KLHL18: variants seen among roughly 807,000 people sequenced by gnomAD.
The protein encoded by KLHL18 is kelch like family member 18, also known as kelch-like protein 18.
A neutral mutation model predicts 58.5 loss-of-function variants in KLHL18; 38 were observed. The ratio of observed to expected loss-of-function variants is 0.65; its 90% CI spans 0.50 to 0.85. The LOEUF (loss-of-function observed/expected upper bound fraction) is 0.85. Among genes scored for constraint, KLHL18 ranks in the 40% least tolerant of loss-of-function variants. The pLI, the probability that KLHL18 is intolerant of heterozygous loss-of-function variation, is 0.00. For synonymous variants in KLHL18, 303 were observed against 301.9 expected (o/e 1.00, Z -0.04); for missense variants, 624 against 778.4 (o/e 0.80, Z 2.36).
intron 1 of KLHL18, among the ~76,000 whole-genome samples, chr3:47,307,756 T>G (rs531804093): frequency 6.6e-6 from 1 of 152,332 alleles, no homozygotes; most frequent in South Asian, 2.1e-4. Flanking sequence ...CAATTTGATT[T>G]TTTTTCCATG....
intron 1 of KLHL18, among the ~76,000 whole-genome samples, chr3:47,314,186 A>G (rs1295626619): frequency 6.6e-6 from 1 of 152,034 alleles, no homozygotes; most frequent in East Asian, 1.9e-4. Flanking sequence ...TTTTGTAGAG[A>G]TGAGGTCTTG....
chr3:47,328,844 G>A (rs1305140860), intron 3 of KLHL18, among the ~76,000 whole-genome samples: 4 of 152,034 alleles, frequency 2.6e-5, no homozygotes, highest in East Asian at 1.9e-4. Context: ...AATTAGGCCC[G>A]TGGAGTCTCT....
chr3:47,323,772 T>C (rs1200883410), intron 3 of KLHL18, among the ~76,000 whole-genome samples: 1 of 152,174 alleles, frequency 6.6e-6, no homozygotes, highest in Non-Finnish European at 1.5e-5. Flanking sequence ...CTCTGATCAC[T>C]AGGTATCTGG....
chr3:47,297,688 A>G (rs1702925677), intron 1 of KLHL18: 1 of 448,718 alleles, frequency 2.2e-6, no homozygotes, highest in Non-Finnish European at 4.5e-6. Flanking sequence ...ATTCATCAGA[A>G]ATTTTGTTAC....
rs571308136 is a variant in KLHL18 at position 47,302,995 on chromosome 3, C to T, written c.130-16658C>T. Among the ~76,000 whole-genome samples the T allele has an allele frequency of 8.1e-4, 124 of 152,320 alleles. 4 individuals are homozygous for T. The South Asian group carries it at 0.025, about 31-fold the overall frequency. On this transcript the variant is annotated intron_variant, in intron 1 of 9. Coordinates refer to ENST00000232766, the MANE Select transcript of KLHL18 (RefSeq NM_025010.5). ...TCTATTAATTCCTCAGGTATAGTATCAATTAGCTGTTTAATTTCTCAAAGA... is the reference window on the plus strand; with the variant it reads ...TCTATTAATTCCTCAGGTATAGTATTAATTAGCTGTTTAATTTCTCAAAGA...
At chr3:47,305,151 A>G (rs1703113358) in intron 1 of KLHL18, among the ~76,000 whole-genome samples, 1 of 152,054 alleles carries the variant, frequency 6.6e-6, no homozygotes, top group Non-Finnish European at 1.5e-5. Flanking sequence ...TAGAACTTCC[A>G]AGAGTGTGCT....
chr3:47,312,208 A>T (rs1420802808), intron 1 of KLHL18, among the ~76,000 whole-genome samples: 1 of 152,220 alleles, frequency 6.6e-6, no homozygotes, highest in East Asian at 1.9e-4. Context: ...ATCTAGCCTC[A>T]GCAGCTTCCA....
chr3:47,319,713 C>T lies in KLHL18; in HGVS notation c.190C>T (p.His64Tyr), dbSNP rs1263126449. ...IVLAASIPYF[H>Y]AMFTNDMMEC... is the part of the protein sequence containing the mutation. ...CTTAGCAGCCTCGATCCCGTATTTC[C>T]ATGCTATGTTTACAAATGACATGAT... Residue 64 changes from histidine (H) to tyrosine (Y), a missense_variant, in exon 2 of 10, where the codon CAT (histidine) becomes TAT (tyrosine). Physicochemically the swap from His to Tyr is moderately conservative, Grantham distance 83. Coordinates refer to ENST00000232766, the MANE Select transcript of KLHL18 (RefSeq NM_025010.5). The T allele has an allele frequency of 6.2e-7, 1 of 1,614,066 alleles. No individual in the cohort carries two copies. The highest frequency in any genetic ancestry group is 1.1e-5 in the South Asian group (1 of 91,082).
chr3:47,317,315 T>C (rs1703478527), intron 1 of KLHL18, among the ~76,000 whole-genome samples: 1 of 152,156 alleles, frequency 6.6e-6, no homozygotes, highest in Non-Finnish European at 1.5e-5. Context: ...GGTTTCACCA[T>C]GTTGGCCAGG....
chr3:47,319,413 C>T (rs912127954), intron 1 of KLHL18, among the ~76,000 whole-genome samples: 4 of 152,248 alleles, frequency 2.6e-5, no homozygotes, highest in East Asian at 3.9e-4. Flanking sequence ...GCTGTTTTAA[C>T]GCTTCATTAA....
intron 1 of KLHL18, among the ~76,000 whole-genome samples, chr3:47,304,954 G>T (rs961740437): frequency 2.0e-5 from 3 of 151,932 alleles, no homozygotes; most frequent in African/African-American, 7.3e-5. Context: ...AGCCCAGGAG[G>T]TGGAGGTTGT....
At chr3:47,309,761 G>T (rs1703248436) in intron 1 of KLHL18, among the ~76,000 whole-genome samples, 1 of 152,218 alleles carries the variant, frequency 6.6e-6, no homozygotes, top group South Asian at 2.1e-4. Flanking sequence ...ACCTCGGGAG[G>T]CCGAGGCTGG....
chr3:47,323,464 A>G (rs887801846), intron 3 of KLHL18, among the ~76,000 whole-genome samples: 4 of 152,134 alleles, frequency 2.6e-5, no homozygotes, highest in Non-Finnish European at 4.4e-5. Context: ...TATCCTCCTT[A>G]GTCCATTGGG....
intron 7 of KLHL18, chr3:47,338,343 A>G (rs1439198915): frequency 6.6e-6 from 1 of 152,194 alleles, no homozygotes; most frequent in Non-Finnish European, 1.5e-5. Context: ...TTTGTTATGT[A>G]ATTTTTATGT....
At chr3:47,298,518 T>G (rs1479038500) in intron 1 of KLHL18, among the ~76,000 whole-genome samples, 1 of 152,162 alleles carries the variant, frequency 6.6e-6, no homozygotes, top group African/African-American at 2.4e-5. Flanking sequence ...GAATATTAAT[T>G]TCTGACTATT....
intron 1 of KLHL18, among the ~76,000 whole-genome samples, chr3:47,311,072 C>T (rs1450150501): frequency 6.6e-6 from 1 of 151,598 alleles, no homozygotes; most frequent in Non-Finnish European, 1.5e-5. Context: ...TGCAGTGGCG[C>T]GATCTTGGCT....
intron 1 of KLHL18, among the ~76,000 whole-genome samples, chr3:47,305,691 A>G (rs1022766443): frequency 1.3e-5 from 2 of 152,066 alleles, no homozygotes; most frequent in African/African-American, 4.8e-5. Context: ...TATTAATTCT[A>G]TTTTAAACAT....
chr3:47,286,418 C>CCA (rs2107570370), intron 1 of KLHL18, among the ~76,000 whole-genome samples: 1 of 152,288 alleles, frequency 6.6e-6, no homozygotes, highest in Non-Finnish European at 1.5e-5. Context: ...TCTGGTGACT[C>CCA]CACAGTGTTT....
intron 3 of KLHL18, among the ~76,000 whole-genome samples, chr3:47,326,883 T>A (rs1034700565): frequency 2.7e-5 from 4 of 150,398 alleles, no homozygotes; most frequent in Admixed American, 6.6e-5. Context: ...ATCGTGCCAT[T>A]GCACTCCAGC....
Sources: gnomAD v4.1 joint callset for allele counts (sites outside exome capture counted in the v4.1 genomes callset) on GRCh38, gnomAD v4.1.1 for gene constraint, MANE v1.5 for transcripts, NCBI Gene and HGNC (gene_info 2026-07-23, HGNC 2026-07-21) for gene names.